Variants in CNTNAP2 observed in about 807,000 individuals in gnomAD.
CNTNAP2 encodes the protein contactin associated protein 2, also known as contactin-associated protein-like 2.
In CNTNAP2, 98 loss-of-function variants were observed where a neutral mutation model predicts 155.2. That is an observed-to-expected ratio of 0.63 (90% CI 0.54 to 0.75). CNTNAP2 has a LOEUF of 0.75. Ranked by LOEUF, CNTNAP2 falls within the 30% of genes least tolerant of loss-of-function variation. CNTNAP2 has a pLI of 0.00. For missense variants in CNTNAP2, 1,727 were observed against 1,688.1 expected, an observed-to-expected ratio of 1.02 and a Z score of -0.40; for synonymous variants, 651 against 631.2, an observed-to-expected ratio of 1.03 and a Z score of -0.47.
chr7:146,622,553 G>A (rs923005327), intron 1 of CNTNAP2, among the ~76,000 whole-genome samples: 1 of 152,054 alleles, frequency 6.6e-6, no homozygotes. Context: ...TTAACTTAAT[G>A]TGTGTTCATA....
chr7:146,830,351 C>T (rs1231855141), intron 2 of CNTNAP2, among the ~76,000 whole-genome samples: 1 of 151,920 alleles, frequency 6.6e-6, no homozygotes, highest in Non-Finnish European at 1.5e-5. Flanking sequence ...ACAAGAAGAG[C>T]TTGTGGATTG....
At chr7:146,730,055 A>G (rs982508260) in intron 1 of CNTNAP2, among the ~76,000 whole-genome samples, 2 of 152,136 alleles carry the variant, frequency 1.3e-5, no homozygotes, top group Non-Finnish European at 2.9e-5. Context: ...GCCATTATCT[A>G]CTGTGTCTGA....
intron 9 of CNTNAP2, among the ~76,000 whole-genome samples, chr7:147,351,030 T>C (rs1263684488): frequency 2.0e-5 from 3 of 151,816 alleles, no homozygotes; most frequent in Non-Finnish European, 4.4e-5. Context: ...ATTAGAGCAC[T>C]TACTTAAACC....
At chr7:146,417,933 G>A (rs1795960625) in intron 1 of CNTNAP2, among the ~76,000 whole-genome samples, 1 of 130,602 alleles carries the variant, frequency 7.7e-6, no homozygotes, top group Non-Finnish European at 1.5e-5. Context: ...GCTGTCAGGT[G>A]CCATGGTTTA....
chr7:146,698,367 T>C (rs1392611433), intron 1 of CNTNAP2, among the ~76,000 whole-genome samples: 2 of 152,186 alleles, frequency 1.3e-5, no homozygotes, highest in Admixed American at 1.3e-4. Flanking sequence ...ACTTCAAGTT[T>C]CATTTTTCTG....
intron 15 of CNTNAP2, among the ~76,000 whole-genome samples, chr7:147,994,225 A>T (rs1801763809): frequency 6.6e-6 from 1 of 152,018 alleles, no homozygotes; most frequent in Admixed American, 6.6e-5. Flanking sequence ...TAAAATAATT[A>T]ACCAGGTTTG....
rs543711118 is a variant in CNTNAP2, at chr7:147,147,050, A to G, written c.1348+14541A>G. ...TTCATAAAGAAAAGAGGTTTAATTG[A>G]CTCACAGTTCTACATGACTGGGGAG... On this transcript the variant is annotated intron_variant, in intron 8 of 23. Transcript: ENST00000361727. 9.9e-5 allele frequency among the ~76,000 whole-genome samples: 15 copies of G among 152,274 alleles called. No individual in the cohort carries two copies. In the East Asian group the frequency reaches 2.9e-3, roughly 29 times the overall value.
intron 15 of CNTNAP2, among the ~76,000 whole-genome samples, chr7:148,093,538 T>C (rs1398208509): frequency 6.6e-6 from 1 of 152,168 alleles, no homozygotes; most frequent in East Asian, 1.9e-4. Context: ...ACTTGAAAGA[T>C]TGTTAGCAGA....
In CNTNAP2 at chr7:148,191,424, T is replaced by C. The variant is rs961199026; in HGVS notation, c.3010+18946T>C. 3.3e-5 allele frequency among the ~76,000 whole-genome samples: 5 copies of C among 152,234 alleles called. 1 individual carries two copies. The highest frequency in any genetic ancestry group is 5.9e-5 in the Non-Finnish European group (4 of 68,048). On this transcript the variant is annotated intron_variant, in intron 18 of 23. Coordinates refer to ENST00000361727, the MANE Select transcript of CNTNAP2 (RefSeq NM_014141.6). The stretch of plus-strand genomic sequence containing the variant: ...AGCTTCCAGAACCATAGTCATATAT[T>C]TCTGTTCATTATACATTATCTGCAG...
intron 13 of CNTNAP2, among the ~76,000 whole-genome samples, chr7:147,797,383 G>T (rs1797914015): frequency 6.6e-6 from 1 of 151,572 alleles, no homozygotes; most frequent in African/African-American, 2.4e-5. Flanking sequence ...AACTAAATAT[G>T]TTCTTATTGA....
intron 13 of CNTNAP2, among the ~76,000 whole-genome samples, chr7:147,826,772 C>T (rs1798457920): frequency 1.3e-5 from 2 of 152,014 alleles, no homozygotes; most frequent in South Asian, 4.2e-4. Flanking sequence ...GTAAAAAATG[C>T]ATTTCTAATA....
chr7:146,928,104 T>C (rs2129221871), intron 3 of CNTNAP2, among the ~76,000 whole-genome samples: 1 of 152,058 alleles, frequency 6.6e-6, no homozygotes, highest in South Asian at 2.1e-4. Context: ...CTCTTTGTCA[T>C]TGCCCTGATT....
intron 13 of CNTNAP2, among the ~76,000 whole-genome samples, chr7:147,825,441 G>A (rs1306980608): frequency 1.3e-5 from 2 of 152,082 alleles, no homozygotes; most frequent in South Asian, 2.1e-4. Context: ...GGTAGAACTC[G>A]AAGAAAGTTT....
intron 8 of CNTNAP2, among the ~76,000 whole-genome samples, chr7:147,174,964 C>T (rs550180525): frequency 2.2e-4 from 33 of 152,216 alleles, no homozygotes; most frequent in African/African-American, 7.7e-4. Flanking sequence ...ATACTATTTA[C>T]ATCAACCATA....
intron 1 of CNTNAP2, among the ~76,000 whole-genome samples, chr7:146,640,879 G>T (rs1467640111): frequency 6.6e-6 from 1 of 152,174 alleles, no homozygotes; most frequent in Non-Finnish European, 1.5e-5. Context: ...TAGAGGTAAT[G>T]TGGAAAGAAT....
At chr7:146,719,171 A>T (rs888360706) in intron 1 of CNTNAP2, among the ~76,000 whole-genome samples, 1 of 152,178 alleles carries the variant, frequency 6.6e-6, no homozygotes, top group African/African-American at 2.4e-5. Context: ...CTTGCACCTG[A>T]TTTGGAATAT....
intron 1 of CNTNAP2, among the ~76,000 whole-genome samples, chr7:146,646,423 A>G (rs749087393): frequency 2.6e-5 from 4 of 152,212 alleles, no homozygotes; most frequent in Non-Finnish European, 5.9e-5. Flanking sequence ...GGGTTCAGGT[A>G]TAAATAAATC....
chr7:146,579,744 A>C (rs1274260386), intron 1 of CNTNAP2, among the ~76,000 whole-genome samples: 1 of 152,170 alleles, frequency 6.6e-6, no homozygotes, highest in Non-Finnish European at 1.5e-5. Flanking sequence ...ACAAACAACC[A>C]AAAATACAAA....
chr7:146,517,060 C>T (rs1301835219), intron 1 of CNTNAP2, among the ~76,000 whole-genome samples: 1 of 151,900 alleles, frequency 6.6e-6, no homozygotes. Context: ...GTTTTAAATC[C>T]TATGCTGCTC....
Sources: gnomAD v4.1 joint callset for allele counts (sites outside exome capture counted in the v4.1 genomes callset) on GRCh38, gnomAD v4.1.1 for gene constraint, MANE v1.5 for transcripts, NCBI Gene and HGNC (gene_info 2026-07-23, HGNC 2026-07-21) for gene names.